The following RBFOX1 variants were observed in gnomAD, a reference collection of about 807,000 sequenced individuals.
RBFOX1 encodes the protein RNA binding protein fox-1 homolog 1.
In RBFOX1, 8 loss-of-function variants were observed where a neutral mutation model predicts 57.7. The observed-to-expected ratio is 0.14, with a 90% CI of 0.08 to 0.25. The LOEUF (loss-of-function observed/expected upper bound fraction) is 0.25, where lower values mean the gene tolerates loss of function less well. Ranked by LOEUF, RBFOX1 falls within the 10% of genes least tolerant of loss-of-function variation. The pLI is 1.00. For synonymous variants in RBFOX1, 326 were observed against 222.4 expected (o/e 1.47, Z -4.15); for missense variants, 611 against 548.5 (o/e 1.11, Z -1.14).
At chr16:7,624,585 C>T (rs1302432918) in intron 10 of RBFOX1, among the ~76,000 whole-genome samples, 2 of 152,152 alleles carry the variant, frequency 1.3e-5, no homozygotes, top group African/African-American at 2.4e-5. Context: ...CAATAAGTAC[C>T]AGCCAAATGA....
chr16:6,680,287 T>A lies in RBFOX1; in HGVS notation c.-16+25637T>A, dbSNP rs1342632916. 8.2e-5 allele frequency among the ~76,000 whole-genome samples: 11 copies of A among 133,968 alleles called. No individual in the cohort carries two copies. The East Asian group carries it at 2.3e-3, about 28-fold the overall frequency. 87.9% of individuals were successfully genotyped at this position (133,968 alleles called of 152,430 possible). ...TTTTCTCTCTCTCTTTTTTTTTTTT[T>A]TTTTTTTATTTGTCGCCCAGGCTGG... On this transcript the variant is annotated intron_variant, in intron 3 of 15. Coordinates refer to ENST00000550418, the MANE Select transcript of RBFOX1 (RefSeq NM_018723.4).
chr16:5,628,510 C>T (rs187118497), intron 3 of RBFOX1, among the ~76,000 whole-genome samples: 50 of 152,200 alleles, frequency 3.3e-4, no homozygotes, highest in African/African-American at 1.2e-3. Context: ...GGGAAGAACG[C>T]TTTAGGTCAG....
At chr16:7,123,999 C>G (rs1169564256) in intron 4 of RBFOX1, among the ~76,000 whole-genome samples, 1 of 152,066 alleles carries the variant, frequency 6.6e-6, no homozygotes, top group Non-Finnish European at 1.5e-5. Context: ...CATATGATGT[C>G]TATTTAATTC....
intron 5 of RBFOX1, among the ~76,000 whole-genome samples, chr16:7,541,870 C>T (rs1325245400): frequency 1.3e-5 from 2 of 152,202 alleles, no homozygotes; most frequent in African/African-American, 4.8e-5. Flanking sequence ...CTTAAGAAAT[C>T]TCCCAGGCCA....
chr16:6,680,324 G>A (rs1023083510), intron 3 of RBFOX1, among the ~76,000 whole-genome samples: 54 of 135,136 alleles, frequency 4.0e-4, no homozygotes, highest in African/African-American at 1.5e-3. Context: ...GTGCAGTGGC[G>A]CCATCTCAGC....
intron 4 of RBFOX1, among the ~76,000 whole-genome samples, chr16:7,058,140 AT>A (rs1042986269): frequency 2.6e-5 from 4 of 152,158 alleles, no homozygotes; most frequent in African/African-American, 7.2e-5. Context: ...ATTTCTCAAA[AT>A]ATAGGACACC....
chr16:7,413,108 T>G (rs1013998072), intron 4 of RBFOX1, among the ~76,000 whole-genome samples: 1 of 152,160 alleles, frequency 6.6e-6, no homozygotes, highest in East Asian at 1.9e-4. Context: ...TATGGAATTA[T>G]TTTACTTGAG....
rs540162230 is a variant in RBFOX1, at chr16:5,573,145, C to T, written c.259-25757C>T. On this transcript the variant is annotated intron_variant, in intron 2 of 2. Coordinates refer to the RBFOX1 transcript ENST00000585867. ...GGGAGGTTCTGGTTCTGTTATGAAA[C>T]TCAAGTTGGGAGGACATAATGAAGA... Among the ~76,000 whole-genome samples the T allele has an allele frequency of 4.6e-5, 7 of 152,262 alleles. No individual in the cohort carries two copies. The South Asian group carries it at 1.2e-3, about 27-fold the overall frequency.
At chr16:7,295,802 G>C (rs2095876989) in intron 4 of RBFOX1, among the ~76,000 whole-genome samples, 1 of 152,130 alleles carries the variant, frequency 6.6e-6, no homozygotes, top group Admixed American at 6.5e-5. Flanking sequence ...GCAGGGCTGA[G>C]TCATTGAGGA....
intron 3 of RBFOX1, among the ~76,000 whole-genome samples, chr16:5,760,789 A>G (rs1201089334): frequency 2.0e-5 from 3 of 152,224 alleles, no homozygotes; most frequent in African/African-American, 7.2e-5. Flanking sequence ...AACCAAAAAG[A>G]ATAGGTAAAT....
At chr16:5,708,348 A>G (rs971554573) in intron 3 of RBFOX1, among the ~76,000 whole-genome samples, 4 of 152,206 alleles carry the variant, frequency 2.6e-5, no homozygotes, top group African/African-American at 9.6e-5. Flanking sequence ...TGCCTCTCAA[A>G]TTCATTTTGA....
intron 4 of RBFOX1, among the ~76,000 whole-genome samples, chr16:7,282,459 A>G (rs961738486): frequency 6.6e-6 from 1 of 152,324 alleles, no homozygotes; most frequent in South Asian, 2.1e-4. Flanking sequence ...ATATGGGGAA[A>G]TACATGGATA....
intron 4 of RBFOX1, among the ~76,000 whole-genome samples, chr16:7,186,255 T>C (rs1205920205): frequency 2.6e-5 from 2 of 77,142 alleles, no homozygotes. Context: ...AACATAAACA[T>C]ATTTATATAA....
At chr16:6,494,557 A>G (rs12932046) in intron 2 of RBFOX1, among the ~76,000 whole-genome samples, 34,726 of 152,174 alleles carry the variant, frequency 0.23, 4,583 homozygotes, top group Non-Finnish European at 0.3. Flanking sequence ...CATGGTATAT[A>G]TATGTACCAC....
At chr16:7,621,713 A>T (rs111825793) in intron 10 of RBFOX1, among the ~76,000 whole-genome samples, 13 of 152,224 alleles carry the variant, frequency 8.5e-5, no homozygotes, top group African/African-American at 2.9e-4. Flanking sequence ...TGAAATACTT[A>T]GTGCCAGCTC....
At chr16:5,515,074 C>T (rs944557472) in intron 2 of RBFOX1, among the ~76,000 whole-genome samples, 7 of 152,170 alleles carry the variant, frequency 4.6e-5, no homozygotes, top group Non-Finnish European at 7.3e-5. Flanking sequence ...AATGAATTTA[C>T]AGAACAAGAA....
intron 14 of RBFOX1, among the ~76,000 whole-genome samples, chr16:7,702,254 C>A (rs954461156): frequency 6.6e-6 from 1 of 152,146 alleles, no homozygotes; most frequent in Non-Finnish European, 1.5e-5. Flanking sequence ...CTGAGGTGTC[C>A]TAAGCTCGGA....
At chr16:7,106,960 T>C (rs893017679) in intron 4 of RBFOX1, among the ~76,000 whole-genome samples, 1 of 86,850 alleles carries the variant, frequency 1.2e-5, no homozygotes, top group Non-Finnish European at 2.4e-5. Flanking sequence ...GAAGCTTGCA[T>C]TCCCATGTAA....
chr16:7,092,852 G>C (rs1398222370), intron 4 of RBFOX1, among the ~76,000 whole-genome samples: 2 of 152,138 alleles, frequency 1.3e-5, no homozygotes, highest in Non-Finnish European at 2.9e-5. Flanking sequence ...TCGAAGGCTG[G>C]GACATCCGCC....
Sources: gnomAD v4.1 joint callset for allele counts (sites outside exome capture counted in the v4.1 genomes callset) on GRCh38, gnomAD v4.1.1 for gene constraint, MANE v1.5 for transcripts, NCBI Gene and HGNC (gene_info 2026-07-23, HGNC 2026-07-21) for gene names.